Variants in KMT2C observed in about 807,000 individuals in gnomAD.
KMT2C encodes the protein histone-lysine N-methyltransferase 2C.
KMT2C carries 88 observed loss-of-function variants against 507.9 expected under a neutral mutation model. The ratio of observed to expected loss-of-function variants is 0.17; its 90% CI spans 0.15 to 0.21. The LOEUF (loss-of-function observed/expected upper bound fraction) is 0.21, where lower values mean the gene tolerates loss of function less well. Among genes scored for constraint, KMT2C ranks in the 10% least tolerant of loss-of-function variants. The probability of loss-of-function intolerance (pLI) is 1.00; values close to 1 mark genes in which losing one functional copy is unlikely to be tolerated. For synonymous variants in KMT2C, 2,049 were observed against 2,080.8 expected (o/e 0.98, Z 0.42); for missense variants, 4,954 against 5,957.8 (o/e 0.83, Z 5.55).
intron 3 of KMT2C, among the ~76,000 whole-genome samples, chr7:152,318,930 G>C (rs369174087): frequency 6.6e-6 from 1 of 152,028 alleles, no homozygotes; most frequent in Admixed American, 6.6e-5. Context: ...AATGAATCTC[G>C]AATCTGAAAG....
intron 2 of KMT2C, among the ~76,000 whole-genome samples, chr7:152,351,730 G>C (rs1314289163): frequency 1.3e-5 from 2 of 152,132 alleles, no homozygotes; most frequent in Non-Finnish European, 2.9e-5. Context: ...TGTAATCTCT[G>C]AACATAAATT....
intron 1 of KMT2C, among the ~76,000 whole-genome samples, chr7:152,406,813 G>A (rs1031535749): frequency 2.6e-5 from 4 of 151,320 alleles, no homozygotes; most frequent in Non-Finnish European, 5.9e-5. Flanking sequence ...AAGGTGTGGG[G>A]CCAAAAAAGG....
chr7:152,396,973 A>T (rs1442380486), intron 1 of KMT2C, among the ~76,000 whole-genome samples: 1 of 152,224 alleles, frequency 6.6e-6, no homozygotes, highest in Non-Finnish European at 1.5e-5. Context: ...ATAAAACTGG[A>T]AATCAACTAA....
chr7:152,148,531 G>T lies in KMT2C; in HGVS notation c.13396C>A (p.His4466Asn), dbSNP rs2091353863. 1.2e-6 allele frequency: 2 copies of T among 1,614,214 alleles called. No individual in the cohort carries two copies. The highest frequency in any genetic ancestry group is 2.2e-5 in the East Asian group (1 of 44,894). The change falls in exon 52 of 59, where the codon CAC becomes AAC. Residue 4466 changes from histidine to asparagine, a missense_variant. Around this residue, in one of 29 missense-constraint regions of KMT2C, gnomAD observed 39 missense variants for 101.8 expected, o/e 0.38. Coordinates refer to ENST00000262189, the MANE Select transcript of KMT2C (RefSeq NM_170606.3). This position sits in a 1 kb window ranked among gnomAD's most constrained non-coding sequence, Gnocchi z 7.1. The part of the protein sequence containing the change: ...RGLQMKCVFC[H>N]KTGATSGCHR... ...CATCCACTAGTGGCACCCGTCTTGTGACAGAAGACACATTTCATTTGTAGG... is the reference window on the plus strand; with the variant it reads ...CATCCACTAGTGGCACCCGTCTTGTTACAGAAGACACATTTCATTTGTAGG...
At chr7:152,411,562 A>AG (rs1342264937) in intron 1 of KMT2C, among the ~76,000 whole-genome samples, 1 of 152,244 alleles carries the variant, frequency 6.6e-6, no homozygotes, top group Non-Finnish European at 1.5e-5. Context: ...AAAAGGCACG[A>AG]GTAGAGAAAG....
chr7:152,187,214 C>A (rs1232768143), intron 33 of KMT2C, 48 bp downstream of exon 33: 1 of 1,482,604 alleles, frequency 6.7e-7, no homozygotes, highest in South Asian at 1.2e-5. Context: ...AAAGGTATTG[C>A]ACATGTGAAA....
intron 14 of KMT2C, among the ~76,000 whole-genome samples, chr7:152,240,333 T>C (rs537945679): frequency 2.2e-3 from 334 of 152,400 alleles, no homozygotes; most frequent in African/African-American, 7.8e-3. Flanking sequence ...CATACTGTTC[T>C]GCTGGATTTG....
intron 1 of KMT2C, among the ~76,000 whole-genome samples, chr7:152,391,515 T>A (rs2097497705): frequency 6.6e-6 from 1 of 150,632 alleles, no homozygotes; most frequent in East Asian, 1.9e-4. Context: ...GCAATGGGAT[T>A]ACAGACATGA....
intron 6 of KMT2C, among the ~76,000 whole-genome samples, chr7:152,274,539 T>G (rs1245282108): frequency 6.6e-6 from 1 of 152,210 alleles, no homozygotes; most frequent in Non-Finnish European, 1.5e-5. Flanking sequence ...AGAGGGGCAG[T>G]CTAGGGCAAG....
rs1028250264 is a variant in KMT2C at position 152,315,476 on chromosome 7, T to C, written c.390-138A>G. ...GCTTTTCAATCTATTTTCTACAGTC[T>C]ATTCAGTGATTACCCATAAGAACAA... is the stretch of plus-strand genomic sequence containing the variant. On this transcript the variant is annotated intron_variant, in intron 3 of 58. Transcript: ENST00000262189. The C allele has an allele frequency of 1.1e-5, 7 of 610,770 alleles. No individual in the cohort carries two copies. The East Asian group carries it at 1.9e-4, about 17-fold the overall frequency. 37.8% of individuals were successfully genotyped at this position (610,770 alleles called of 1,614,324 possible). A position where few individuals can be genotyped will look rare whatever the true frequency, so the allele number is the denominator to read the frequency against.
At chr7:152,176,075 T>A in intron 38 of KMT2C, 116 bp downstream of exon 38, 1 of 1,087,872 alleles carries the variant, frequency 9.2e-7, no homozygotes, top group Non-Finnish European at 1.3e-6. Flanking sequence ...CAAGGAGGAA[T>A]AGAAAAACTC....
chr7:152,343,153 T>G (rs1286471444), intron 2 of KMT2C, among the ~76,000 whole-genome samples: 1 of 152,108 alleles, frequency 6.6e-6, no homozygotes, highest in Non-Finnish European at 1.5e-5. Context: ...AGAACTAGAC[T>G]TGGATGCAGG....
chr7:152,262,890 T>C (rs2095803493), intron 9 of KMT2C, 126 bp downstream of exon 9: 5 of 645,434 alleles, frequency 7.7e-6, no homozygotes, highest in African/African-American at 3.7e-5. Flanking sequence ...GTCAGTTATA[T>C]GTCAATAAAG....
At chr7:152,237,438 A>C (rs2095298705) in intron 15 of KMT2C, among the ~76,000 whole-genome samples, 1 of 152,168 alleles carries the variant, frequency 6.6e-6, no homozygotes, top group African/African-American at 2.4e-5. Flanking sequence ...CCTTTTGAGA[A>C]GTGCATCAGC....
chr7:152,379,468 G>A (rs1312066721), intron 1 of KMT2C, among the ~76,000 whole-genome samples: 1 of 151,824 alleles, frequency 6.6e-6, no homozygotes, highest in Non-Finnish European at 1.5e-5. Context: ...AACCCAGAAG[G>A]TGGAGGTTGC....
At chr7:152,425,306 T>C (rs943987449) in intron 1 of KMT2C, among the ~76,000 whole-genome samples, 4 of 152,214 alleles carry the variant, frequency 2.6e-5, no homozygotes, top group African/African-American at 4.8e-5. Flanking sequence ...CCAGGCACAG[T>C]GGCTCACACC....
chr7:152,277,659 A>T (rs2096108555), intron 6 of KMT2C, among the ~76,000 whole-genome samples: 1 of 152,192 alleles, frequency 6.6e-6, no homozygotes, highest in Non-Finnish European at 1.5e-5. Context: ...TGAAATAACA[A>T]GGATAAAAGG....
rs2129101499 is a variant in KMT2C, at chr7:152,158,948, G to A, written c.11585C>T (p.Ala3862Val). Residue 3862 changes from alanine (A) to valine (V), a missense_variant, in exon 44 of 59, where the codon GCA becomes GTA. This residue lies in a region of KMT2C where 801 missense variants were observed against 751.2 expected (regional missense o/e 1.07). Transcript: ENST00000262189. Reference protein sequence around the residue: ...KRTQRTGEKAAPRSKKRKKDE... With the variant: ...KRTQRTGEKAVPRSKKRKKDE... ...CTTTTTCCTTTTCTTTGAGCGAGGT[G>A]CTGCTTTCTCACCCGTCCTCTGAGT... is the stretch of plus-strand genomic sequence containing the variant. 6.2e-7 allele frequency: 1 copy of A among 1,614,154 alleles called. No homozygotes were observed.
intron 9 of KMT2C, among the ~76,000 whole-genome samples, chr7:152,256,305 TAAGA>T (rs1302031216): frequency 2.0e-5 from 3 of 151,314 alleles, no homozygotes; most frequent in Non-Finnish European, 2.9e-5. Context: ...TCTAACTCCA[TAAGA>T]AAGAAACTTT....
Sources: gnomAD v4.1 joint callset for allele counts (sites outside exome capture counted in the v4.1 genomes callset) on GRCh38, gnomAD v4.1.1 for gene constraint, gnomAD v4.1.1 regional missense constraint, Gnocchi (gnomAD v3.1) non-coding constraint, MANE v1.5 for transcripts, NCBI Gene and HGNC (gene_info 2026-07-23, HGNC 2026-07-21) for gene names.